Variants in PTGER4 observed in about 807,000 individuals in gnomAD.
PTGER4 encodes the protein prostaglandin E2 receptor EP4 subtype.
A neutral mutation model predicts 33.2 loss-of-function variants in PTGER4; 11 were observed. That is an observed-to-expected ratio of 0.33 (90% CI 0.21 to 0.55). The LOEUF (loss-of-function observed/expected upper bound fraction) is 0.55. Among genes scored for constraint, PTGER4 ranks in the 20% least tolerant of loss-of-function variants. PTGER4 has a pLI of 0.92. For synonymous variants in PTGER4, 275 were observed against 281.5 expected (o/e 0.98, Z 0.23); for missense variants, 481 against 650.2 (o/e 0.74, Z 2.83).
intron 2 of PTGER4, among the ~76,000 whole-genome samples, 165 bp downstream of exon 2, chr5:40,682,025 T>C (rs1741208785): frequency 6.6e-6 from 1 of 152,040 alleles, no homozygotes; most frequent in Non-Finnish European, 1.5e-5. Context: ...CCAACCCTCT[T>C]TGAAGTCCCA....
At chr5:40,742,103 T>C in the PTGER4 span, among the ~76,000 whole-genome samples, 1 of 152,184 alleles carries the variant, frequency 6.6e-6, no homozygotes, top group Non-Finnish European at 1.5e-5. Context: ...GAAAACAGTT[T>C]TTTTTTTATA....
the PTGER4 span, among the ~76,000 whole-genome samples, chr5:40,740,121 A>G: frequency 3.9e-5 from 6 of 152,030 alleles, no homozygotes; most frequent in Admixed American, 3.9e-4. Context: ...TTATATATTT[A>G]CTTCTATATA....
the PTGER4 span, among the ~76,000 whole-genome samples, chr5:40,722,471 G>T: frequency 6.6e-6 from 1 of 151,246 alleles, no homozygotes; most frequent in Non-Finnish European, 1.5e-5. Flanking sequence ...GAGCCTCTCT[G>T]CCTGGCGGCC....
At chr5:40,703,895 G>A in the PTGER4 span, among the ~76,000 whole-genome samples, 7 of 83,986 alleles carry the variant, frequency 8.3e-5, no homozygotes, top group Admixed American at 2.1e-4. Flanking sequence ...AGAGCAAGAC[G>A]CCGTCTCAAA....
chr5:40,728,281 C>A, the PTGER4 span: 42 of 317,892 alleles, frequency 1.3e-4, no homozygotes, highest in African/African-American at 2.7e-4. Context: ...GACTCCATCT[C>A]AAAAAAAAAA....
At chr5:40,746,720 T>C in the PTGER4 span, 1 of 1,049,546 alleles carries the variant, frequency 9.5e-7, no homozygotes, top group Non-Finnish European at 1.4e-6. Context: ...ATCAAATTCA[T>C]AACTCTTCAT....
At chr5:40,736,595 A>G in the PTGER4 span, among the ~76,000 whole-genome samples, 1 of 152,198 alleles carries the variant, frequency 6.6e-6, no homozygotes, top group Non-Finnish European at 1.5e-5. Flanking sequence ...GAACAAAATA[A>G]TTTACAAAAA....
chr5:40,714,623 TA>T, the PTGER4 span: 3 of 152,290 alleles, frequency 2.0e-5, no homozygotes, highest in East Asian at 5.8e-4. Flanking sequence ...ATAATTAACA[TA>T]TTTTTTGGAG....
downstream of PTGER4, among the ~76,000 whole-genome samples, chr5:40,698,650 A>C (rs1741666965): frequency 6.6e-6 from 1 of 152,210 alleles, no homozygotes; most frequent in Non-Finnish European, 1.5e-5. Flanking sequence ...CCGAGATTGA[A>C]ACACATCAAT....
chr5:40,685,785 A>G (rs1264813347), intron 2 of PTGER4, among the ~76,000 whole-genome samples: 4 of 152,214 alleles, frequency 2.6e-5, no homozygotes, highest in African/African-American at 7.2e-5. Flanking sequence ...CAGGGTAGCT[A>G]TAGGTGAGTC....
At chr5:40,727,672 C>T in the PTGER4 span, among the ~76,000 whole-genome samples, 474 of 152,300 alleles carry the variant, frequency 3.1e-3, 5 homozygotes, top group African/African-American at 0.011. Context: ...TTTGTCTCCA[C>T]AGTGATACTA....
the PTGER4 span, among the ~76,000 whole-genome samples, chr5:40,717,724 T>C: frequency 1.3e-4 from 20 of 152,216 alleles, no homozygotes; most frequent in Admixed American, 1.2e-3. Flanking sequence ...TGAGTATACT[T>C]AGTCTCTGGA....
chr5:40,727,649 ATCTATCAGCGGTTTTG>A, the PTGER4 span, among the ~76,000 whole-genome samples: 1 of 152,172 alleles, frequency 6.6e-6, no homozygotes, highest in African/African-American at 2.4e-5. Context: ...CCCCTGTATA[ATCTATCAGCGGTTTTG>A]TCTCCACAGT....
chr5:40,700,137 C>G, the PTGER4 span, among the ~76,000 whole-genome samples: 1 of 152,192 alleles, frequency 6.6e-6, no homozygotes, highest in Non-Finnish European at 1.5e-5. Flanking sequence ...AATTGTATTT[C>G]TATGTAATAG....
intron 2 of PTGER4, among the ~76,000 whole-genome samples, chr5:40,682,785 G>T (rs898922889): frequency 6.6e-6 from 1 of 152,184 alleles, no homozygotes; most frequent in Non-Finnish European, 1.5e-5. Flanking sequence ...GCCGTCTGAG[G>T]CCAGACCCAG....
chr5:40,722,435 G>A, the PTGER4 span, among the ~76,000 whole-genome samples: 2 of 148,314 alleles, frequency 1.3e-5, no homozygotes, highest in Admixed American at 6.7e-5. Flanking sequence ...GCCTCTTCCC[G>A]GCCGTCATCC....
the PTGER4 span, among the ~76,000 whole-genome samples, chr5:40,728,161 A>G: frequency 4.0e-5 from 6 of 151,532 alleles, no homozygotes. Context: ...GCGCATGCCT[A>G]TAGTCCCAGC....
At chr5:40,729,380 A>C in the PTGER4 span, among the ~76,000 whole-genome samples, 1 of 152,214 alleles carries the variant, frequency 6.6e-6, no homozygotes, top group Non-Finnish European at 1.5e-5. Flanking sequence ...AAATATGTTT[A>C]ATGCTCTGTG....
chr5:40,727,443 T>C, the PTGER4 span, among the ~76,000 whole-genome samples: 1 of 152,246 alleles, frequency 6.6e-6, no homozygotes. Flanking sequence ...CTTACCTAGA[T>C]AGCCTCTGCT....
Sources: allele counts gnomAD v4.1 joint callset (sites outside exome capture counted in the v4.1 genomes callset), GRCh38; gene constraint gnomAD v4.1.1; transcripts MANE v1.5; gene names NCBI Gene and HGNC (gene_info 2026-07-23, HGNC 2026-07-21).